Variants in KCNK2 observed in about 807,000 individuals in gnomAD.
The protein encoded by KCNK2 is potassium two pore domain channel subfamily K member 2.
In KCNK2, 21 loss-of-function variants were observed where a neutral mutation model predicts 40.5. The ratio of observed to expected loss-of-function variants is 0.52; its 90% CI spans 0.37 to 0.75. The LOEUF (loss-of-function observed/expected upper bound fraction) is 0.75. Among genes scored for constraint, KCNK2 ranks in the 30% least tolerant of loss-of-function variants. The pLI is 0.00. For missense variants in KCNK2, 399 were observed against 531.6 expected (o/e 0.75, Z 2.45); for synonymous variants, 191 against 202.2 (o/e 0.94, Z 0.47).
intron 6 of KCNK2, among the ~76,000 whole-genome samples, chr1:215,209,718 A>T (rs183981978): frequency 0.48 from 607 of 1,258 alleles, 20 homozygotes; most frequent in Middle Eastern, 0.5. Flanking sequence ...AAAATATATA[A>T]TATATATAAA....
intron 5 of KCNK2, among the ~76,000 whole-genome samples, chr1:215,173,299 T>C (rs1195447549): frequency 2.6e-5 from 4 of 152,326 alleles, no homozygotes; most frequent in Admixed American, 1.3e-4. Context: ...GGACATGAAC[T>C]CATCCTCTTT....
intron 2 of KCNK2, among the ~76,000 whole-genome samples, chr1:215,106,351 G>C (rs1380777992): frequency 6.6e-6 from 1 of 152,022 alleles, no homozygotes; most frequent in Non-Finnish European, 1.5e-5. Flanking sequence ...GCAATGTTGA[G>C]CATTTTTTGT....
Position 215,037,002 on chromosome 1 carries a change from C to CTTTTTTTTTTTTT in KCNK2, c.34+31050_34+31062dup, listed in dbSNP as rs3033912. ...TTTTCATTCTTAATGCCTTTTATTC[C>CTTTTTTTTTTTTT]TTTTTTTTTTTTTTTGCCTTATTGT... On this transcript the variant is annotated intron_variant, in intron 1 of 6. Coordinates refer to the KCNK2 transcript ENST00000391895. 4.8e-5 allele frequency among the ~76,000 whole-genome samples: 6 copies of CTTTTTTTTTTTTT among 125,846 alleles called. 1 individual carries two copies. Among genetic ancestry groups the CTTTTTTTTTTTTT allele is most frequent in the South Asian group, 2.4e-4 (1 of 4,140 alleles). 82.6% of individuals were successfully genotyped at this position (125,846 alleles called of 152,430 possible).
intron 3 of KCNK2, among the ~76,000 whole-genome samples, chr1:215,125,516 C>T (rs1413327888): frequency 6.6e-6 from 1 of 151,706 alleles, no homozygotes; most frequent in Non-Finnish European, 1.5e-5. Flanking sequence ...ACAGACCCCA[C>T]AGTGAAAGCT....
chr1:215,148,316 C>G (rs1240908851), intron 3 of KCNK2, among the ~76,000 whole-genome samples: 1 of 151,682 alleles, frequency 6.6e-6, no homozygotes, highest in Non-Finnish European at 1.5e-5. Context: ...CTCAAGTGAT[C>G]CACCTGCCTC....
chr1:215,154,771 A>C (rs1662842141), intron 3 of KCNK2, among the ~76,000 whole-genome samples: 3 of 152,144 alleles, frequency 2.0e-5, no homozygotes, highest in Non-Finnish European at 4.4e-5. Context: ...GGTGTAAAGA[A>C]GGGGTCCAGT....
chr1:215,027,057 C>A (rs1657025276), intron 1 of KCNK2, among the ~76,000 whole-genome samples: 1 of 151,804 alleles, frequency 6.6e-6, no homozygotes. Flanking sequence ...AAGTATGTTA[C>A]TAGGAAGGAA....
chr1:215,106,973 T>G (rs1660463393), intron 2 of KCNK2, among the ~76,000 whole-genome samples: 1 of 152,120 alleles, frequency 6.6e-6, no homozygotes, highest in Admixed American at 6.6e-5. Context: ...TACCATGCTG[T>G]TTTGGTTACT....
chr1:215,124,358 A>G (rs1303805627), intron 2 of KCNK2, among the ~76,000 whole-genome samples: 1 of 152,168 alleles, frequency 6.6e-6, no homozygotes, highest in African/African-American at 2.4e-5. Context: ...GTCATTAAAT[A>G]TGTTAATGGA....
chr1:215,110,194 T>C (rs1384379283), intron 2 of KCNK2, among the ~76,000 whole-genome samples: 1 of 152,184 alleles, frequency 6.6e-6, no homozygotes, highest in African/African-American at 2.4e-5. Context: ...TTTCTTTTGC[T>C]GTGCAGAAGC....
chr1:215,105,760 A>G (rs1050027868), intron 2 of KCNK2, among the ~76,000 whole-genome samples: 1 of 151,916 alleles, frequency 6.6e-6, no homozygotes, highest in Non-Finnish European at 1.5e-5. Context: ...TCCCTGCTCT[A>G]GTAGTTCCCG....
chr1:215,057,234 G>T, intron 1 of KCNK2, among the ~76,000 whole-genome samples: 2 of 149,780 alleles, frequency 1.3e-5, no homozygotes. Flanking sequence ...GTTGAGATAT[G>T]CATATTTAAG....
rs767708308 is a variant in KCNK2 at position 215,083,269 on chromosome 1, C to A, written c.-117C>A. ...AACAAAGCCGGGGAAAATGCCTGCC[C>A]GTGCAGCTCGGAGCGCGCAGCCCGT... On this transcript the variant is annotated 5_prime_UTR_variant, in exon 1 of 7. Coordinates refer to ENST00000444842, the MANE Select transcript of KCNK2 (RefSeq NM_001017425.3). 9.3e-6 allele frequency: 15 copies of A among 1,612,532 alleles called. No individual in the cohort carries two copies. Among genetic ancestry groups the A allele is most frequent in the Non-Finnish European group, 1.1e-5 (13 of 1,179,596 alleles).
intron 3 of KCNK2, among the ~76,000 whole-genome samples, chr1:215,157,612 A>G (rs1436627713): frequency 1.3e-5 from 2 of 152,228 alleles, no homozygotes; most frequent in Non-Finnish European, 2.9e-5. Context: ...AAGAGTTAAA[A>G]CAAAATTTAA....
At chr1:215,161,127 T>G (rs1004097633) in intron 3 of KCNK2, among the ~76,000 whole-genome samples, 1 of 152,182 alleles carries the variant, frequency 6.6e-6, no homozygotes, top group African/African-American at 2.4e-5. Context: ...AGGATCCATC[T>G]AAAAGTCTTG....
At chr1:215,177,858 A>G (rs2102645360) in intron 5 of KCNK2, among the ~76,000 whole-genome samples, 1 of 148,784 alleles carries the variant, frequency 6.7e-6, no homozygotes, top group Admixed American at 6.8e-5. Context: ...TTGACTGTTC[A>G]GGCTCCTTTT....
upstream of KCNK2, among the ~76,000 whole-genome samples, chr1:215,078,582 G>T (rs929955889): frequency 6.6e-6 from 1 of 152,064 alleles, no homozygotes; most frequent in Non-Finnish European, 1.5e-5. Flanking sequence ...AGAACAGCAT[G>T]GGGGAAACTG....
rs562670138 is a variant in KCNK2 at position 215,227,455 on chromosome 1, C to T, written c.964-7373C>T. 2.6e-5 allele frequency among the ~76,000 whole-genome samples: 4 copies of T among 152,140 alleles called. No homozygotes were observed. The East Asian group carries it at 5.8e-4, about 22-fold the overall frequency. On this transcript the variant is annotated intron_variant, in intron 6 of 6. Coordinates refer to ENST00000444842, the MANE Select transcript of KCNK2 (RefSeq NM_001017425.3). ...AAGAATTTTGAGGAAATAAAAGAAACGTTCAGGATGGCCCCCGACATGGAG... is the reference window on the plus strand; with the variant it reads ...AAGAATTTTGAGGAAATAAAAGAAATGTTCAGGATGGCCCCCGACATGGAG...
intron 6 of KCNK2, among the ~76,000 whole-genome samples, chr1:215,197,292 G>A (rs1366784876): frequency 6.6e-6 from 1 of 152,124 alleles, no homozygotes; most frequent in Non-Finnish European, 1.5e-5. Flanking sequence ...GGACGGACTG[G>A]GTGTTATAAC....
Sources: allele counts gnomAD v4.1 joint callset (sites outside exome capture counted in the v4.1 genomes callset), GRCh38; gene constraint gnomAD v4.1.1; transcripts MANE v1.5; gene names NCBI Gene and HGNC (gene_info 2026-07-23, HGNC 2026-07-21).